The following FAM120B variants were observed in gnomAD, a reference collection of about 807,000 sequenced individuals.
The protein encoded by FAM120B is family with sequence similarity 120 member B.
FAM120B carries 83 observed loss-of-function variants against 96.3 expected under a neutral mutation model. The observed-to-expected ratio is 0.86, with a 90% CI of 0.72 to 1.03. The LOEUF (loss-of-function observed/expected upper bound fraction) is 1.03. Among genes scored for constraint, FAM120B ranks in the 50% least tolerant of loss-of-function variants. The probability of loss-of-function intolerance (pLI) is 0.00; values close to 1 mark genes in which losing one functional copy is unlikely to be tolerated. For synonymous variants in FAM120B, 407 were observed against 402.7 expected, an observed-to-expected ratio of 1.01 and a Z score of -0.13; for missense variants, 1,027 against 1,121.2, an observed-to-expected ratio of 0.92 and a Z score of 1.20.
At chr6:170,338,529 T>A (rs1048760097) in intron 4 of FAM120B, among the ~76,000 whole-genome samples, 21 of 152,340 alleles carry the variant, frequency 1.4e-4, no homozygotes, top group Non-Finnish European at 7.3e-5. Context: ...TGGAGAGTTC[T>A]GTAGATGTCT....
chr6:170,299,919 T>G (rs1156335158), intron 1 of FAM120B, among the ~76,000 whole-genome samples: 2 of 152,240 alleles, frequency 1.3e-5, no homozygotes, highest in Non-Finnish European at 2.9e-5. Flanking sequence ...CCAGACATCT[T>G]CACCATTACA....
Position 170,358,286 on chromosome 6 carries a change from G to T in FAM120B, c.2251G>T (p.Gly751Ter). 6.2e-7 allele frequency: 1 copy of T among 1,607,008 alleles called. No individual in the cohort carries two copies. Residue 751 changes from glycine (G) to a stop codon, truncating the protein, a stop_gained, in exon 6 of 11, where the codon GGA becomes TGA. Transcript: ENST00000476287. LOFTEE classifies it high-confidence loss of function. ...TATTGCGCAGGCCTTGTGCCTCCAAGGAAAATCCACCTCGCAGCTTGTAAA... is the reference window on the plus strand; with the variant it reads ...TATTGCGCAGGCCTTGTGCCTCCAATGAAAATCCACCTCGCAGCTTGTAAA... ...AFIAQALCLQGKSTSQLVNLQ... is the reference protein window; with the variant it reads ...AFIAQALCLQ
rs529737175 is a variant in FAM120B, at chr6:170,370,590, G to A, written c.2283+12272G>A. Among the ~76,000 whole-genome samples, 3 of 152,216 alleles carry A rather than the reference G, an allele frequency of 2.0e-5. No individual in the cohort carries two copies. The East Asian group carries it at 5.8e-4, about 29-fold the overall frequency. ...CTCGGTAATATTACCCTCTGATCCTGTACCTGTCATTGTGGGATGTCCTAA... is the reference window on the plus strand; with the variant it reads ...CTCGGTAATATTACCCTCTGATCCTATACCTGTCATTGTGGGATGTCCTAA... On this transcript the variant is annotated intron_variant, in intron 6 of 10. Transcript: ENST00000476287. This position sits in a 1 kb window ranked among gnomAD's most constrained non-coding sequence, Gnocchi z 4.3.
At chr6:170,340,789 C>G (rs771138350) in intron 4 of FAM120B, among the ~76,000 whole-genome samples, 27 of 152,188 alleles carry the variant, frequency 1.8e-4, no homozygotes, top group Non-Finnish European at 3.7e-4. Flanking sequence ...CACTCTATAC[C>G]CTGTTTGCCT....
At chr6:170,365,273 G>C (rs1008627742) in intron 6 of FAM120B, among the ~76,000 whole-genome samples, 1 of 152,220 alleles carries the variant, frequency 6.6e-6, no homozygotes, top group African/African-American at 2.4e-5. Context: ...GCTTATGTCT[G>C]AACATGGAGG....
chr6:170,349,884 G>A (rs1461535599), intron 5 of FAM120B, among the ~76,000 whole-genome samples: 1 of 152,070 alleles, frequency 6.6e-6, no homozygotes, highest in African/African-American at 2.4e-5. Context: ...GGGGTGGAGG[G>A]CAGTGCCCCA....
chr6:170,384,005 A>G (rs1036899941), intron 6 of FAM120B, among the ~76,000 whole-genome samples: 3 of 152,212 alleles, frequency 2.0e-5, no homozygotes, highest in African/African-American at 7.2e-5. Context: ...ATGGATCTCA[A>G]GGGAATTATA....
At chr6:170,305,778 G>A (rs1254832421), upstream of FAM120B, among the ~76,000 whole-genome samples, 2 of 152,196 alleles carry the variant, frequency 1.3e-5, no homozygotes, top group Admixed American at 6.5e-5. Context: ...GAAAAAGGCG[G>A]AACTGCAGCT....
At chr6:170,360,670 A>T (rs1788295981) in intron 6 of FAM120B, among the ~76,000 whole-genome samples, 1 of 152,124 alleles carries the variant, frequency 6.6e-6, no homozygotes, top group Non-Finnish European at 1.5e-5. Context: ...TGTGCCAATT[A>T]TTATTAATCA....
At chr6:170,338,520 G>A (rs1786592460) in intron 4 of FAM120B, among the ~76,000 whole-genome samples, 1 of 152,152 alleles carries the variant, frequency 6.6e-6, no homozygotes, top group African/African-American at 2.4e-5. Context: ...GATTTGGGTT[G>A]GAGAGTTCTG....
intron 1 of FAM120B, among the ~76,000 whole-genome samples, chr6:170,296,683 G>A (rs1266016573): frequency 6.6e-6 from 1 of 151,992 alleles, no homozygotes; most frequent in African/African-American, 2.4e-5. Context: ...AGCGGAAACC[G>A]CGCGTTCCCA....
In FAM120B at chr6:170,310,636, A is replaced by G. The variant is rs574813736; in HGVS notation, c.-22+3794A>G. On this transcript the variant is annotated intron_variant, in intron 1 of 10. Coordinates refer to ENST00000476287, the MANE Select transcript of FAM120B (RefSeq NM_032448.3). Reference sequence around the variant, plus strand: ...GACTCCTGCCTTCTTCTTTGCTGCTAGAATGTGTCTTTGACTTAAGAGGCT... The same window carrying G: ...GACTCCTGCCTTCTTCTTTGCTGCTGGAATGTGTCTTTGACTTAAGAGGCT... Among the ~76,000 whole-genome samples, 4 of 152,314 alleles carry G rather than the reference A, an allele frequency of 2.6e-5. No individual in the cohort carries two copies. In the South Asian group the frequency reaches 8.3e-4, roughly 32 times the overall value.
intron 9 of FAM120B, among the ~76,000 whole-genome samples, chr6:170,401,011 C>T (rs546564491): frequency 1.4e-4 from 22 of 152,352 alleles, no homozygotes; most frequent in Admixed American, 5.9e-4. Context: ...TGACAGGAAG[C>T]AGCTTTCTTC....
chr6:170,318,672 T>C lies in FAM120B; in HGVS notation c.1282T>C (p.Tyr428His). The change falls in exon 2 of 11, where the codon TAT becomes CAT. Residue 428 changes from tyrosine to histidine, a missense_variant. Coordinates refer to ENST00000476287, the MANE Select transcript of FAM120B (RefSeq NM_032448.3). ...GPEARQEVPM[Y>H]TDSEPRQEVP... is the part of the protein sequence containing the mutation. Reference sequence around the variant, plus strand: ...TGAAGCCAGGCAAGAAGTTCCCATGTATACAGACTCTGAACCCAGGCAAGA... The same window carrying C: ...TGAAGCCAGGCAAGAAGTTCCCATGCATACAGACTCTGAACCCAGGCAAGA... 1 of 1,590,226 alleles carries C rather than the reference T, an allele frequency of 6.3e-7. No homozygotes were observed. Among genetic ancestry groups the C allele is most frequent in the Non-Finnish European group, 8.6e-7 (1 of 1,167,262 alleles).
intron 9 of FAM120B, among the ~76,000 whole-genome samples, chr6:170,397,992 G>A (rs1429564594): frequency 2.0e-5 from 3 of 152,332 alleles, no homozygotes; most frequent in Admixed American, 6.5e-5. Context: ...GCTTGGGGTT[G>A]CCCCCTTTCT....
Position 170,318,354 on chromosome 6 carries a change from A to G in FAM120B, c.964A>G (p.Ile322Val), listed in dbSNP as rs1219186919. 2 of 1,614,126 alleles carry G rather than the reference A, an allele frequency of 1.2e-6. No homozygotes were observed. The highest frequency in any genetic ancestry group is 1.3e-5 in the African/African-American group (1 of 74,942). ...PWFFQKPKGV[I>V]TLDKQVISTS... ...GTTTTTCCAAAAACCCAAAGGTGTAATAACTTTGGACAAACAAGTAATATC... is the reference window on the plus strand; with the variant it reads ...GTTTTTCCAAAAACCCAAAGGTGTAGTAACTTTGGACAAACAAGTAATATC... Residue 322 changes from isoleucine (I) to valine (V), a missense_variant, in exon 2 of 11, where the codon ATA becomes GTA. This residue lies in a region of FAM120B where 880 missense variants were observed against 980.9 expected (regional missense o/e 0.90). Transcript: ENST00000476287.
intron 9 of FAM120B, 140 bp from the exon 10 acceptor site, chr6:170,404,410 C>A (rs780581770): frequency 4.0e-5 from 26 of 658,208 alleles, no homozygotes; most frequent in Non-Finnish European, 5.7e-5. Context: ...GGCATGTGGC[C>A]ACAACTGTAA....
intron 1 of FAM120B, among the ~76,000 whole-genome samples, chr6:170,316,431 A>G (rs938742713): frequency 1.0e-4 from 15 of 148,742 alleles, no homozygotes; most frequent in Middle Eastern, 3.2e-3. Context: ...AAAAGCATAG[A>G]TCATAAAAAT....
chr6:170,394,625 G>A (rs1790631777), intron 8 of FAM120B, among the ~76,000 whole-genome samples: 2 of 62,184 alleles, frequency 3.2e-5, no homozygotes, highest in East Asian at 4.0e-4. Context: ...ACGAGGCCAC[G>A]CCTCCGTGGA....
Sources: allele counts gnomAD v4.1 joint callset (sites outside exome capture counted in the v4.1 genomes callset), GRCh38; gene constraint gnomAD v4.1.1; regional missense constraint gnomAD v4.1.1; non-coding constraint Gnocchi (gnomAD v3.1); transcripts MANE v1.5; gene names NCBI Gene and HGNC (gene_info 2026-07-23, HGNC 2026-07-21).